Variants in NGLY1 observed in about 807,000 individuals in gnomAD.
NGLY1 encodes N-glycanase 1.
Under a neutral mutation model 84.6 loss-of-function variants are expected in NGLY1, and 68 were observed. The ratio of observed to expected loss-of-function variants is 0.80; its 90% CI spans 0.66 to 0.98. NGLY1 has a LOEUF of 0.98. Ranked by LOEUF, NGLY1 falls within the 50% of genes least tolerant of loss-of-function variation. The pLI, the probability that NGLY1 is intolerant of heterozygous loss-of-function variation, is 0.00. For synonymous variants in NGLY1, 280 were observed against 275.2 expected, an observed-to-expected ratio of 1.02 and a Z score of -0.17; for missense variants, 779 against 770.2, an observed-to-expected ratio of 1.01 and a Z score of -0.14.
chr3:25,753,662 A>G (rs1312078099), intron 3 of NGLY1, among the ~76,000 whole-genome samples: 1 of 152,114 alleles, frequency 6.6e-6, no homozygotes, highest in Non-Finnish European at 1.5e-5. Context: ...TCAATAATTA[A>G]AAGACTAAAA....
At chr3:25,783,450 G>A (rs759495731), upstream of NGLY1, 1,437 of 1,404,348 alleles carry the variant, frequency 1.0e-3, 3 homozygotes, top group Admixed American at 1.9e-3. This position sits in a 1 kb window ranked among gnomAD's most constrained non-coding sequence, Gnocchi z 4.5. Flanking sequence ...CACTGAGCAG[G>A]CGCCTCAGCG....
chr3:25,785,975 C>G (rs1708594076), upstream of NGLY1, among the ~76,000 whole-genome samples: 1 of 152,232 alleles, frequency 6.6e-6, no homozygotes, highest in South Asian at 2.1e-4. Context: ...GCTTTGCACA[C>G]AGCAGGTACT....
At chr3:25,724,689 T>C (rs1203457840) in intron 10 of NGLY1, among the ~76,000 whole-genome samples, 1 of 152,196 alleles carries the variant, frequency 6.6e-6, no homozygotes, top group Admixed American at 6.5e-5. Context: ...TTTTCCTGAA[T>C]ATACCAGATG....
At chr3:25,759,088 A>G (rs920719618) in intron 3 of NGLY1, among the ~76,000 whole-genome samples, 1 of 152,190 alleles carries the variant, frequency 6.6e-6, no homozygotes, top group Non-Finnish European at 1.5e-5. Context: ...CCCCAAGAAA[A>G]GAACAGGTCC....
At position 25,783,144 on chromosome 3, in the gene NGLY1, T is replaced by C. The variant is rs1708498440; in HGVS notation, c.131+116A>G. ...GAGCAGAACCAGCTCCAGGTCCCGG[T>C]CTGTCCGGGCGTCGCTGCCCTCTGA... On this transcript the variant is annotated intron_variant, in intron 1 of 11. Coordinates refer to ENST00000280700, the MANE Select transcript of NGLY1 (RefSeq NM_018297.4). This position sits in a 1 kb window ranked among gnomAD's most constrained non-coding sequence, Gnocchi z 4.5. 3 of 954,868 alleles carry C rather than the reference T, an allele frequency of 3.1e-6. No individual in the cohort carries two copies. Among genetic ancestry groups the C allele is most frequent in the Non-Finnish European group, 4.7e-6 (3 of 642,832 alleles). The allele number at this position is 954,868 out of a possible 1,614,324, so 59.1% of individuals were successfully genotyped here. A position where few individuals can be genotyped will look rare whatever the true frequency, so the allele number is the denominator to read the frequency against.
intron 4 of NGLY1, among the ~76,000 whole-genome samples, chr3:25,746,754 T>C (rs1479790466): frequency 6.6e-6 from 1 of 152,214 alleles, no homozygotes; most frequent in Non-Finnish European, 1.5e-5. Flanking sequence ...AGAGAGGAAA[T>C]ATGATGGACA....
chr3:25,764,021 A>G (rs1707434326), intron 3 of NGLY1, 45 bp downstream of exon 3: 2 of 1,601,812 alleles, frequency 1.2e-6, no homozygotes, highest in African/African-American at 1.3e-5. Context: ...TGCTGTTTCA[A>G]CACTTTGAAA....
chr3:25,789,822 G>T, intron 1 of NGLY1: 1 of 1,550,294 alleles, frequency 6.5e-7, no homozygotes, highest in Non-Finnish European at 8.7e-7. Flanking sequence ...CATTATCACT[G>T]CCAAAGAAAA....
chr3:25,737,299 G>GC lies in NGLY1; in HGVS notation c.1003+34dup, dbSNP rs768357779. ...AAACCCAAACCTGCAAGCCTGCAAA[G>GC]CCCTACTACCCTCTGCTCATTCCAC... On this transcript the variant is annotated intron_variant, in intron 6 of 11. Coordinates refer to ENST00000280700, the MANE Select transcript of NGLY1 (RefSeq NM_018297.4). The GC allele has an allele frequency of 3.2e-6, 5 of 1,547,082 alleles. No individual in the cohort carries two copies. The East Asian group carries it at 1.1e-4, about 35-fold the overall frequency.
chr3:25,728,555 G>T (rs1426015490), intron 10 of NGLY1, among the ~76,000 whole-genome samples: 1 of 152,068 alleles, frequency 6.6e-6, no homozygotes, highest in East Asian at 1.9e-4. Context: ...AGCATGTGAC[G>T]ATAATATGCA....
chr3:25,742,949 G>A (rs973056533), intron 4 of NGLY1, among the ~76,000 whole-genome samples: 1 of 150,238 alleles, frequency 6.7e-6, no homozygotes, highest in Admixed American at 6.6e-5. Flanking sequence ...ATCTCTAGAT[G>A]GGGAGATTAT....
At position 25,720,045 on chromosome 3, in the gene NGLY1, T is replaced by C; in HGVS notation, c.1758A>G (p.Arg586=). The C allele has an allele frequency of 6.2e-7, 1 of 1,613,738 alleles. No homozygotes were observed. Among genetic ancestry groups the C allele is most frequent in the Non-Finnish European group, 8.5e-7 (1 of 1,179,780 alleles). Residue 586 remains arginine (R), a synonymous_variant, in exon 11 of 12, where the codon CGA becomes CGG. Transcript: ENST00000280700. ...TCAGTTCTACTTGTGCTGTATCAGA[T>C]CGCAATTTCCATTCTACTGTTCCAG... ...FQTGTVEWKL[R]SDTAQVELTG... is the part of the protein sequence containing the mutation.
intron 3 of NGLY1, among the ~76,000 whole-genome samples, chr3:25,763,789 T>G (rs982365112): frequency 1.3e-5 from 2 of 152,212 alleles, no homozygotes; most frequent in African/African-American, 2.4e-5. Flanking sequence ...CTAAAGAAGC[T>G]TTTTTATTGA....
chr3:25,722,834 A>G (rs1301139854), intron 10 of NGLY1, among the ~76,000 whole-genome samples: 1 of 152,178 alleles, frequency 6.6e-6, no homozygotes, highest in Non-Finnish European at 1.5e-5. Flanking sequence ...ATCCTAAACT[A>G]TTAGGCATCT....
At position 25,719,514 on chromosome 3, in the gene NGLY1, T is replaced by C. The variant is rs1387327668; in HGVS notation, c.1911A>G (p.Leu637=). ...CCAAACAATTTTCTTCATGGTCATTTAAGCTTTGTCTAAACAGCTGGGTGT... is the reference window on the plus strand; with the variant it reads ...CCAAACAATTTTCTTCATGGTCATTCAAGCTTTGTCTAAACAGCTGGGTGT... ...WQHTQLFRQS[L]NDHEENCLEI... Residue 637 remains leucine, a synonymous_variant, in exon 12 of 12, where the codon TTA becomes TTG. Transcript: ENST00000280700. 2 of 1,614,054 alleles carry C rather than the reference T, an allele frequency of 1.2e-6. No homozygotes were observed. The highest frequency in any genetic ancestry group is 3.3e-5 in the Admixed American group (2 of 60,020).
chr3:25,773,166 T>A (rs1707980513), intron 2 of NGLY1, among the ~76,000 whole-genome samples: 1 of 152,192 alleles, frequency 6.6e-6, no homozygotes, highest in Admixed American at 6.5e-5. Context: ...TATATTTGGA[T>A]ATGTAGATCT....
At chr3:25,787,253 G>A (rs1708624869), upstream of NGLY1, among the ~76,000 whole-genome samples, 1 of 152,090 alleles carries the variant, frequency 6.6e-6, no homozygotes, top group Non-Finnish European at 1.5e-5. Context: ...AGAAAGGAGA[G>A]GACTTGCTAC....
At chr3:25,741,945 G>A (rs1050344503) in intron 4 of NGLY1, among the ~76,000 whole-genome samples, 1 of 152,114 alleles carries the variant, frequency 6.6e-6, no homozygotes, top group African/African-American at 2.4e-5. Context: ...AGGTTGCAGT[G>A]AGCCGAGATC....
intron 3 of NGLY1, among the ~76,000 whole-genome samples, chr3:25,752,652 A>G (rs1706816070): frequency 6.6e-6 from 1 of 151,822 alleles, no homozygotes; most frequent in Non-Finnish European, 1.5e-5. Context: ...TTAAAAAAAA[A>G]AAAAAAAATT....
Sources: gnomAD v4.1 joint callset for allele counts (sites outside exome capture counted in the v4.1 genomes callset) on GRCh38, gnomAD v4.1.1 for gene constraint, Gnocchi (gnomAD v3.1) non-coding constraint, MANE v1.5 for transcripts, NCBI Gene and HGNC (gene_info 2026-07-23, HGNC 2026-07-21) for gene names.